AXIN1: variants seen among roughly 807,000 people sequenced by gnomAD.
AXIN1 encodes the protein axin 1.
AXIN1 carries 30 observed loss-of-function variants against 76.4 expected under a neutral mutation model. The observed-to-expected ratio is 0.39, with a 90% confidence interval of 0.29 to 0.53. AXIN1 has a LOEUF of 0.53. Among genes scored for constraint, AXIN1 ranks in the 20% least tolerant of loss-of-function variants. The pLI is 0.66. For synonymous variants in AXIN1, 545 were observed against 501.4 expected (o/e 1.09, Z -1.16); for missense variants, 1,140 against 1,198.8 (o/e 0.95, Z 0.72).
chr16:325,726 AGAG>A (rs1315209128), intron 2 of AXIN1, among the ~76,000 whole-genome samples: 1 of 152,218 alleles, frequency 6.6e-6, no homozygotes, highest in Non-Finnish European at 1.5e-5. Flanking sequence ...TGAGAAGAAG[AGAG>A]GAGAGCCATT....
chr16:289,299 G>A (rs2052483462), intron 10 of AXIN1, 141 bp downstream of exon 10: 2 of 1,080,194 alleles, frequency 1.9e-6, no homozygotes, highest in Non-Finnish European at 2.7e-6. Context: ...CTGCTGAGCT[G>A]AGGCAATCCG....
At chr16:345,911 A>G (rs1038711692) in intron 2 of AXIN1, among the ~76,000 whole-genome samples, 7 of 152,178 alleles carry the variant, frequency 4.6e-5, no homozygotes, top group Admixed American at 3.9e-4. Flanking sequence ...GTTCCTAATG[A>G]CTCATAAAGT....
At chr16:304,975 G>A (rs905663645) in intron 4 of AXIN1, among the ~76,000 whole-genome samples, 4 of 152,164 alleles carry the variant, frequency 2.6e-5, no homozygotes, top group Non-Finnish European at 5.9e-5. Context: ...TCTTTCCAGC[G>A]TCTCCCGACT....
Position 297,746 on chromosome 16 carries a change from T to C in AXIN1, c.1760A>G (p.Asn587Ser), listed in dbSNP as rs746551099. Reference protein sequence around the residue: ...GYSESVGAAPNASDGLAHSGK... With the variant: ...GYSESVGAAPSASDGLAHSGK... ...CCTGTGGGCGAGGCCATCACTGGCG[T>C]TGGGGGCAGCGCCAACACTCTCTGA... Residue 587 changes from asparagine to serine, a missense_variant, in exon 6 of 11, where the codon AAC becomes AGC. Transcript: ENST00000262320. 21 of 1,598,564 alleles carry C rather than the reference T, an allele frequency of 1.3e-5. No homozygotes were observed. Among genetic ancestry groups the C allele is most frequent in the African/African-American group, 1.1e-4 (8 of 74,704 alleles).
chr16:337,149 C>CAAAA (rs398028563), intron 2 of AXIN1, among the ~76,000 whole-genome samples: 4 of 30,572 alleles, frequency 1.3e-4, no homozygotes, highest in Non-Finnish European at 2.0e-4. Flanking sequence ...GACCCCGTCT[C>CAAAA]AAAAAAAAAA....
In AXIN1 at chr16:308,082, C is replaced by A. The variant is rs879271156; in HGVS notation, c.1116+1891G>T. Among the ~76,000 whole-genome samples, 4 of 152,222 alleles carry A rather than the reference C, an allele frequency of 2.6e-5. No homozygotes were observed. In the South Asian group the frequency reaches 8.3e-4, roughly 32 times the overall value. ...ACTGTTCACACAGAAACGCACACTGCGGCCCCCACCCCACCACACAAGGGC... is the reference window on the plus strand; with the variant it reads ...ACTGTTCACACAGAAACGCACACTGAGGCCCCCACCCCACCACACAAGGGC... On this transcript the variant is annotated intron_variant, in intron 4 of 10. Coordinates refer to ENST00000262320, the MANE Select transcript of AXIN1 (RefSeq NM_003502.4).
Position 288,138 on chromosome 16 carries a change from A to C in AXIN1, c.2573T>G (p.Val858Gly). The C allele has an allele frequency of 6.2e-7, 1 of 1,613,348 alleles. No homozygotes were observed. The highest frequency in any genetic ancestry group is 8.5e-7 in the Non-Finnish European group (1 of 1,179,976). Residue 858 changes from valine to glycine, a missense_variant, in exon 11 of 11, where the codon GTG becomes GGG. Transcript: ENST00000262320. ...PVFEEKIIGK[V>G]EKVD ...ACCAGCCTATCAGTCCACCTTCTCC[A>C]CTTTGCCGATGATCTTCTCCTCAAA...
In AXIN1 at chr16:348,349, T is replaced by C. The variant is rs187980787; in HGVS notation, c.-81-1243A>G. ...TGCTGAACAAGTCACAGCAAACAAATAAAACCCTAAAACCCAGGACCAACT... is the reference window on the plus strand; with the variant it reads ...TGCTGAACAAGTCACAGCAAACAAACAAAACCCTAAAACCCAGGACCAACT... On this transcript the variant is annotated intron_variant, in intron 1 of 10. Coordinates refer to ENST00000262320, the MANE Select transcript of AXIN1 (RefSeq NM_003502.4). Among the ~76,000 whole-genome samples the C allele has an allele frequency of 2.3e-3, 353 of 151,880 alleles. 1 individual carries two copies. The highest frequency in any genetic ancestry group is 7.8e-3 in the African/African-American group (322 of 41,232).
Position 304,358 on chromosome 16 carries a change from C to T in AXIN1, c.1200G>A (p.Gln400=), listed in dbSNP as rs1291281961. 1 of 1,612,616 alleles carries T rather than the reference C, an allele frequency of 6.2e-7. No individual in the cohort carries two copies. Among genetic ancestry groups the T allele is most frequent in the South Asian group, 1.1e-5 (1 of 91,084 alleles). Reference sequence around the variant, plus strand: ...GCTTCTCCTCGGCCTCCCGCGTGCGCTGCACAGCCTCCAGGCGGTGGATGA... The same window carrying T: ...GCTTCTCCTCGGCCTCCCGCGTGCGTTGCACAGCCTCCAGGCGGTGGATGA... ...EELIHRLEAV[Q]RTREAEEKLE... is the part of the protein sequence containing the mutation. Residue 400 remains glutamine, a synonymous_variant, in exon 5 of 11, where the codon CAG becomes CAA. Coordinates refer to ENST00000262320, the MANE Select transcript of AXIN1 (RefSeq NM_003502.4).
rs1357455826 is a variant in AXIN1 at position 320,721 on chromosome 16, GTGTATA to G, written c.879-6044_879-6039del. Among the ~76,000 whole-genome samples the G allele has an allele frequency of 2.4e-4, 29 of 120,116 alleles. 1 individual carries two copies. The highest frequency in any genetic ancestry group is 4.3e-4 in the African/African-American group (12 of 28,156). The allele number at this position is 120,116 out of a possible 152,430, so 78.8% of individuals were successfully genotyped here. ...TATATGCATACGTATATGCGTGTGT[GTGTATA>G]TATATATATATATATATTTTTTTTT... On this transcript the variant is annotated intron_variant, in intron 2 of 10. Transcript: ENST00000262320.
chr16:346,220 TGAG>T lies in AXIN1; in HGVS notation c.803_805del (p.Pro268del), dbSNP rs1395242793. 2.5e-6 allele frequency: 4 copies of T among 1,614,128 alleles called. No individual in the cohort carries two copies. Among genetic ancestry groups the T allele is most frequent in the Non-Finnish European group, 3.4e-6 (4 of 1,180,036 alleles). ...GGCAGCTGTCTCCAGGAGCAGCTTC[TGAG>T]GGAGTCTTCCGGGGGGAGCAGCGTC... On this transcript the variant is annotated inframe_deletion, in exon 2 of 11. Transcript: ENST00000262320.
chr16:301,636 T>A (rs983829083), intron 5 of AXIN1, among the ~76,000 whole-genome samples: 4 of 152,028 alleles, frequency 2.6e-5, no homozygotes, highest in Admixed American at 2.0e-4. Flanking sequence ...ACAAAAATAT[T>A]TTTTTTAAAA....
Position 298,730 on chromosome 16 carries a change from C to T in AXIN1, c.1255-479G>A, listed in dbSNP as rs191990706. Among the ~76,000 whole-genome samples the T allele has an allele frequency of 1.9e-3, 290 of 151,720 alleles. 4 individuals carry two copies. Among genetic ancestry groups the T allele is most frequent in the African/African-American group, 5.9e-3 (244 of 41,330 alleles). ...CTCACCATATTGGCCAGGCTGGTCT[C>T]GAATGCCTGAGCTCAAGCAATCTGC... is the stretch of plus-strand genomic sequence containing the variant. On this transcript the variant is annotated intron_variant, in intron 5 of 10. Transcript: ENST00000262320.
intron 7 of AXIN1, among the ~76,000 whole-genome samples, chr16:296,567 C>G (rs753901775): frequency 6.6e-6 from 1 of 152,184 alleles, no homozygotes; most frequent in Non-Finnish European, 1.5e-5. Context: ...CGGGGCCTTG[C>G]TCCACACCAC....
chr16:347,530 G>T (rs555779450), intron 1 of AXIN1, among the ~76,000 whole-genome samples: 1 of 152,326 alleles, frequency 6.6e-6, no homozygotes, highest in South Asian at 2.1e-4. Context: ...TCACAAGTAA[G>T]ATGGAGACAA....
Position 287,984 on chromosome 16 carries a change from C to G in AXIN1, c.*138G>C, listed in dbSNP as rs2052431458. On this transcript the variant is annotated 3_prime_UTR_variant, in exon 11 of 11. Coordinates refer to ENST00000262320, the MANE Select transcript of AXIN1 (RefSeq NM_003502.4). ...GAGGGACCCCCTACCTGCCTCTAGA[C>G]ACGGGTAGACCACAGGGATGGGTGG... 1.4e-6 allele frequency: 2 copies of G among 1,455,326 alleles called. No homozygotes were observed. The highest frequency in any genetic ancestry group is 1.9e-6 in the Non-Finnish European group (2 of 1,052,564). The allele number at this position is 1,455,326 out of a possible 1,614,324, so 90.2% of individuals were successfully genotyped here.
chr16:318,764 C>A (rs911123372), intron 2 of AXIN1, among the ~76,000 whole-genome samples: 3 of 149,756 alleles, frequency 2.0e-5, no homozygotes, highest in Non-Finnish European at 4.5e-5. Flanking sequence ...GTATGCCCGC[C>A]CTTCACGAGC....
At chr16:327,226 C>T (rs1038226848) in intron 2 of AXIN1, among the ~76,000 whole-genome samples, 2 of 152,028 alleles carry the variant, frequency 1.3e-5, no homozygotes, top group Non-Finnish European at 1.5e-5. Context: ...TGGCGGCAGA[C>T]ACTTGGTGTC....
intron 2 of AXIN1, among the ~76,000 whole-genome samples, chr16:341,405 G>A (rs887083178): frequency 2.6e-5 from 4 of 152,364 alleles, no homozygotes; most frequent in Middle Eastern, 3.4e-3. Flanking sequence ...CTTAGCACCC[G>A]GGCCAGCGGC....
Sources: allele counts gnomAD v4.1 joint callset (sites outside exome capture counted in the v4.1 genomes callset), GRCh38; gene constraint gnomAD v4.1.1; transcripts MANE v1.5; gene names NCBI Gene and HGNC (gene_info 2026-07-23, HGNC 2026-07-21).